The following COX16 variants were observed in gnomAD, a reference collection of about 807,000 sequenced individuals.
COX16 encodes the protein cytochrome c oxidase assembly factor COX16, also known as cytochrome c oxidase assembly protein COX16 homolog, mitochondrial.
COX16 carries 12 observed loss-of-function variants against 15.4 expected under a neutral mutation model. The ratio of observed to expected loss-of-function variants is 0.78; its 90% confidence interval spans 0.50 to 1.26. COX16 has a LOEUF of 1.26. Among genes scored for constraint, COX16 ranks in the 50% most tolerant of loss-of-function variants. COX16 has a pLI of 0.00. For missense variants in COX16, 124 were observed against 127.6 expected (o/e 0.97, Z 0.14); for synonymous variants, 46 against 41.1 (o/e 1.12, Z -0.46).
At chr14:70,349,975 A>G (rs10137455) in intron 1 of COX16, among the ~76,000 whole-genome samples, 1 of 151,994 alleles carries the variant, frequency 6.6e-6, no homozygotes. Context: ...GTCTCTCAAG[A>G]ATACCCAAAA....
Position 70,339,087 on chromosome 14 carries a change from A to G in COX16, c.141+3571T>C, listed in dbSNP as rs1005399783. 2.8e-4 allele frequency among the ~76,000 whole-genome samples: 43 copies of G among 152,344 alleles called. 1 individual carries two copies. The highest frequency in any genetic ancestry group is 1.6e-3 in the Admixed American group (25 of 15,310). On this transcript the variant is annotated intron_variant, in intron 2 of 3. Transcript: ENST00000389912. The stretch of plus-strand genomic sequence containing the variant: ...ACGGTCACAATATTTATAATGTTAA[A>G]AATTAACACCATCTGTTACAAAGCA...
chr14:70,349,729 G>A (rs566759503), intron 1 of COX16, among the ~76,000 whole-genome samples: 1 of 152,270 alleles, frequency 6.6e-6, no homozygotes, highest in African/African-American at 2.4e-5. Context: ...TTGCAATCAT[G>A]TATGGCTGAA....
intron 2 of COX16, 126 bp from the exon 3 acceptor site, chr14:70,329,362 A>C: frequency 1.4e-6 from 1 of 737,722 alleles, no homozygotes; most frequent in Non-Finnish European, 2.1e-6. Context: ...CAAAATCTCC[A>C]CCATCTACTC....
intron 2 of COX16, among the ~76,000 whole-genome samples, chr14:70,330,032 ATAAT>A (rs1015073729): frequency 6.6e-6 from 1 of 152,126 alleles, no homozygotes; most frequent in African/African-American, 2.4e-5. Flanking sequence ...AGGGAGAGCA[ATAAT>A]TAAATAAAAA....
chr14:70,345,668 G>A (rs192709816), intron 1 of COX16, among the ~76,000 whole-genome samples: 183 of 152,162 alleles, frequency 1.2e-3, no homozygotes, highest in Non-Finnish European at 1.2e-4. Context: ...AATTATTGCC[G>A]ACGACTGGAA....
chr14:70,357,007 G>A lies in COX16; in HGVS notation c.69+2512C>T, dbSNP rs1363818966. ...TGGCACCAAGTGAAGAGGGTAGAGA[G>A]GTTGGAGCTCTTTAAAACACCATTC... On this transcript the variant is annotated intron_variant, in intron 1 of 3. Transcript: ENST00000389912. 4.6e-5 allele frequency among the ~76,000 whole-genome samples: 7 copies of A among 152,028 alleles called. No individual in the cohort carries two copies. The East Asian group carries it at 1.4e-3, about 29-fold the overall frequency.
At position 70,329,208 on chromosome 14, in the gene COX16, T is replaced by C. The variant is rs369158755; in HGVS notation, c.170A>G (p.Lys57Arg). The C allele has an allele frequency of 6.2e-7, 1 of 1,608,236 alleles. No homozygotes were observed. Among genetic ancestry groups the C allele is most frequent in the Non-Finnish European group, 8.5e-7 (1 of 1,177,026 alleles). Reference sequence around the variant, plus strand: ...CGACTCTAAAGATATTTTATTCTCTTTCAGTTTTTTTTCAAGCTCAGGATC... The same window carrying C: ...CGACTCTAAAGATATTTTATTCTCTCTCAGTTTTTTTTCAAGCTCAGGATC... Reference protein sequence around the residue: ...KMDPELEKKLKENKISLESEY... With the variant: ...KMDPELEKKLRENKISLESEY... The change falls in exon 3 of 4, where the codon AAA becomes AGA. Residue 57 changes from lysine (K) to arginine (R), a missense_variant. By Grantham distance (26) the Lys-to-Arg change is conservative (BLOSUM62 2). Coordinates refer to ENST00000389912, the MANE Select transcript of COX16 (RefSeq NM_016468.7).
chr14:70,339,138 T>C (rs1886548079), intron 2 of COX16, among the ~76,000 whole-genome samples: 1 of 152,220 alleles, frequency 6.6e-6, no homozygotes, highest in Admixed American at 6.5e-5. Flanking sequence ...GTCGAAGACT[T>C]ACTGCTCGCA....
chr14:70,326,433 T>G lies in COX16; in HGVS notation c.221A>C (p.Lys74Thr). Residue 74 changes from lysine (K) to threonine (T), a missense_variant, in exon 4 of 4, where the codon AAG becomes ACG. Physicochemically the swap from Lys to Thr is moderately conservative, Grantham distance 78. Coordinates refer to ENST00000389912, the MANE Select transcript of COX16 (RefSeq NM_016468.7). ...TCGAATATTCTTCCAGTCATCAAAC[T>G]TGGAGTCTTTGATTTTCTATAGAAC... Reference protein sequence around the residue: ...ESEYEKIKDSKFDDWKNIRGP... With the variant: ...ESEYEKIKDSTFDDWKNIRGP... The G allele has an allele frequency of 6.3e-7, 1 of 1,586,346 alleles. No individual in the cohort carries two copies. Among genetic ancestry groups the G allele is most frequent in the African/African-American group, 1.4e-5 (1 of 73,336 alleles).
Position 70,325,659 on chromosome 14 carries a change from TC to T in COX16, c.*673del, listed in dbSNP as rs1886043681. 6.7e-6 allele frequency: 1 copy of T among 149,478 alleles called. No individual in the cohort carries two copies. Among genetic ancestry groups the T allele is most frequent in the South Asian group, 2.2e-4 (1 of 4,642 alleles). The allele number at this position is 149,478 out of a possible 1,614,324, so 9.3% of individuals were successfully genotyped here. On this transcript the variant is annotated 3_prime_UTR_variant, in exon 4 of 4. Transcript: ENST00000389912. ...TAATTTTTAGTATTATCTTAGTATT[TC>T]TCAAAATGTAGTCATCTATGGATTT...
In COX16 at chr14:70,358,380, T is replaced by A. The variant is rs908441845; in HGVS notation, c.69+1139A>T. Reference sequence around the variant, plus strand: ...TTTGCTAAAAACAACAATTTTTTTTTTTTTTTTTTTTTTTGGAGAGACAGA... The same window carrying A: ...TTTGCTAAAAACAACAATTTTTTTTATTTTTTTTTTTTTTGGAGAGACAGA... On this transcript the variant is annotated intron_variant, in intron 1 of 3. Transcript: ENST00000389912. Among the ~76,000 whole-genome samples, 15 of 146,850 alleles carry A rather than the reference T, an allele frequency of 1.0e-4. No homozygotes were observed. In the East Asian group the frequency reaches 2.7e-3, roughly 27 times the overall value.
intron 3 of COX16, chr14:70,328,071 G>GTTTTTTTTTT (rs1594905215): frequency 2.7e-4 from 16 of 59,088 alleles, no homozygotes; most frequent in Admixed American, 6.0e-4. Flanking sequence ...CTGAGAATAA[G>GTTTTTTTTTT]ATTTTTTTTT....
intron 2 of COX16, among the ~76,000 whole-genome samples, chr14:70,339,174 T>C (rs191608214): frequency 1.3e-5 from 2 of 152,338 alleles, no homozygotes; most frequent in East Asian, 3.9e-4. Context: ...TATTGCACAC[T>C]TAAATCACAT....
chr14:70,355,786 C>A (rs956225347), intron 1 of COX16, among the ~76,000 whole-genome samples: 1 of 152,206 alleles, frequency 6.6e-6, no homozygotes, highest in Admixed American at 6.5e-5. Flanking sequence ...TGAAATCTGA[C>A]CCCCAATGTT....
chr14:70,347,177 C>T (rs1459091155), intron 1 of COX16, among the ~76,000 whole-genome samples: 8 of 152,076 alleles, frequency 5.3e-5, no homozygotes, highest in Non-Finnish European at 8.8e-5. Context: ...CATTTCTCGC[C>T]GCCTCACCAG....
chr14:70,353,809 G>A (rs902467666), intron 1 of COX16, among the ~76,000 whole-genome samples: 8 of 151,954 alleles, frequency 5.3e-5, no homozygotes, highest in East Asian at 1.9e-4. Context: ...CACTGCGCCC[G>A]GCCCCTACCT....
intron 3 of COX16, among the ~76,000 whole-genome samples, chr14:70,327,658 G>T (rs1886125301): frequency 1.3e-5 from 2 of 152,022 alleles, no homozygotes; most frequent in Non-Finnish European, 2.9e-5. Context: ...GTTATTAAAA[G>T]ATTTTAATAA....
At chr14:70,355,395 G>A (rs1030311346) in intron 1 of COX16, among the ~76,000 whole-genome samples, 2 of 152,102 alleles carry the variant, frequency 1.3e-5, no homozygotes, top group Admixed American at 6.5e-5. Context: ...ATACCTCAGG[G>A]CACAATGTTT....
intron 3 of COX16, among the ~76,000 whole-genome samples, chr14:70,328,826 A>C (rs1412348521): frequency 6.6e-6 from 1 of 151,840 alleles, no homozygotes; most frequent in Non-Finnish European, 1.5e-5. Flanking sequence ...TTAACTTTTG[A>C]ATTTGTATGT....
Sources: allele counts gnomAD v4.1 joint callset (sites outside exome capture counted in the v4.1 genomes callset), GRCh38; gene constraint gnomAD v4.1.1; transcripts MANE v1.5; gene names NCBI Gene and HGNC (gene_info 2026-07-23, HGNC 2026-07-21).